PRKCE: variants seen among roughly 807,000 people sequenced by gnomAD.
PRKCE encodes the protein protein kinase C epsilon type.
Under a neutral mutation model 85.4 loss-of-function variants are expected in PRKCE, and 16 were observed. The observed-to-expected ratio is 0.19, with a 90% CI of 0.13 to 0.28. The LOEUF is 0.28. Among genes scored for constraint, PRKCE ranks in the 10% least tolerant of loss-of-function variants. The pLI is 1.00. For missense variants in PRKCE, 573 were observed against 975.2 expected (o/e 0.59, Z 5.49); for synonymous variants, 388 against 371.5 (o/e 1.04, Z -0.51).
At chr2:45,942,651 ATTC>A (rs1266544716) in intron 2 of PRKCE, among the ~76,000 whole-genome samples, 4 of 152,102 alleles carry the variant, frequency 2.6e-5, no homozygotes, top group Non-Finnish European at 1.5e-5. Context: ...TGGAATACAA[ATTC>A]CTCTCTTTCC....
Position 45,760,930 on chromosome 2 carries a change from T to C in PRKCE, c.349-82070T>C, listed in dbSNP as rs1490423318. ...CTTGTCTCTTTACCAAAACCCTTAG[T>C]ATACTATTCCCTGGTTTATCTTAAC... On this transcript the variant is annotated intron_variant, in intron 1 of 14. Transcript: ENST00000306156. Among the ~76,000 whole-genome samples, 3 of 152,094 alleles carry C rather than the reference T, an allele frequency of 2.0e-5. No individual in the cohort carries two copies. The East Asian group carries it at 5.8e-4, about 29-fold the overall frequency.
At chr2:45,738,952 G>A (rs1026535135) in intron 1 of PRKCE, among the ~76,000 whole-genome samples, 2 of 152,148 alleles carry the variant, frequency 1.3e-5, no homozygotes, top group South Asian at 2.1e-4. Context: ...GCAAATTAAG[G>A]GGCAGTGTTG....
intron 2 of PRKCE, among the ~76,000 whole-genome samples, chr2:45,889,111 G>A (rs1461155589): frequency 1.3e-5 from 2 of 152,242 alleles, no homozygotes; most frequent in African/African-American, 2.4e-5. Flanking sequence ...GTGTTACAGA[G>A]AAGGAACTGC....
intron 14 of PRKCE, among the ~76,000 whole-genome samples, chr2:46,175,871 A>G (rs1474692019): frequency 6.6e-6 from 1 of 152,018 alleles, no homozygotes; most frequent in Non-Finnish European, 1.5e-5. Context: ...TTGGACAACA[A>G]TGAAAACAGG....
chr2:45,783,813 G>A (rs1313653500), intron 1 of PRKCE, among the ~76,000 whole-genome samples: 1 of 152,186 alleles, frequency 6.6e-6, no homozygotes, highest in Non-Finnish European at 1.5e-5. Context: ...AAGCTCTAGA[G>A]CCCTACTCCG....
chr2:46,064,108 C>A (rs1667397777), intron 10 of PRKCE, among the ~76,000 whole-genome samples: 1 of 151,854 alleles, frequency 6.6e-6, no homozygotes, highest in South Asian at 2.1e-4. Context: ...ATGGTGAAAC[C>A]CTGTATCTAC....
intron 2 of PRKCE, among the ~76,000 whole-genome samples, chr2:45,953,379 C>T (rs1700753815): frequency 6.6e-6 from 1 of 152,176 alleles, no homozygotes; most frequent in South Asian, 2.1e-4. Context: ...ACTCCCTGCC[C>T]AGGGCACTTT....
chr2:45,790,054 G>A (rs1686917325), intron 1 of PRKCE, among the ~76,000 whole-genome samples: 1 of 152,180 alleles, frequency 6.6e-6, no homozygotes, highest in Non-Finnish European at 1.5e-5. Flanking sequence ...GAGCTGGCAG[G>A]AGCTCACAAG....
chr2:45,806,347 G>A (rs1255990599), intron 1 of PRKCE, among the ~76,000 whole-genome samples: 3 of 152,110 alleles, frequency 2.0e-5, no homozygotes, highest in Admixed American at 2.0e-4. Flanking sequence ...CCCAAGCAGG[G>A]ACTCAGAGAT....
At chr2:45,900,272 A>G (rs1020678725) in intron 2 of PRKCE, among the ~76,000 whole-genome samples, 7 of 152,248 alleles carry the variant, frequency 4.6e-5, no homozygotes, top group African/African-American at 1.7e-4. Context: ...TATACATCCC[A>G]AAGAACTGGA....
At chr2:45,925,439 G>A (rs1698541546) in intron 2 of PRKCE, among the ~76,000 whole-genome samples, 1 of 152,074 alleles carries the variant, frequency 6.6e-6, no homozygotes, top group Admixed American at 6.5e-5. Context: ...TGGGATTACA[G>A]GCACCACCAC....
chr2:45,693,885 C>T (rs1677937537), intron 1 of PRKCE, among the ~76,000 whole-genome samples: 1 of 151,786 alleles, frequency 6.6e-6, no homozygotes, highest in Non-Finnish European at 1.5e-5. Context: ...GATGGCAGGT[C>T]CTAGGATCCA....
At chr2:45,743,092 G>A (rs1017377661) in intron 1 of PRKCE, among the ~76,000 whole-genome samples, 2 of 152,162 alleles carry the variant, frequency 1.3e-5, no homozygotes, top group Non-Finnish European at 2.9e-5. Flanking sequence ...TAGAATGGTG[G>A]TTGCCAGGGG....
chr2:45,975,735 G>C (rs1702405861), intron 2 of PRKCE, among the ~76,000 whole-genome samples: 1 of 152,182 alleles, frequency 6.6e-6, no homozygotes, highest in Non-Finnish European at 1.5e-5. Flanking sequence ...AGGGAAGGAA[G>C]GTATTGGGAA....
chr2:46,066,279 G>A (rs935075123), intron 10 of PRKCE, among the ~76,000 whole-genome samples: 2 of 152,102 alleles, frequency 1.3e-5, no homozygotes, highest in African/African-American at 4.8e-5. Flanking sequence ...CTTGAGCACT[G>A]GCTTGGCTAA....
chr2:46,126,541 C>T (rs75948450), intron 11 of PRKCE, among the ~76,000 whole-genome samples: 3,371 of 152,246 alleles, frequency 0.022, 124 homozygotes, highest in African/African-American at 0.068. Context: ...GGAAACAGTT[C>T]ATGCAAAAGC....
intron 1 of PRKCE, among the ~76,000 whole-genome samples, chr2:45,808,490 T>G (rs1688416004): frequency 6.6e-6 from 1 of 152,204 alleles, no homozygotes; most frequent in Non-Finnish European, 1.5e-5. Flanking sequence ...GAGTGCTGAT[T>G]AAACAATTAT....
intron 1 of PRKCE, among the ~76,000 whole-genome samples, chr2:45,826,731 C>T (rs1296103862): frequency 1.3e-5 from 2 of 152,230 alleles, no homozygotes; most frequent in African/African-American, 4.8e-5. Context: ...TCTGTTCAGC[C>T]AAGGGCAGCT....
chr2:45,782,539 G>T (rs1686273033), intron 1 of PRKCE, among the ~76,000 whole-genome samples: 1 of 152,132 alleles, frequency 6.6e-6, no homozygotes, highest in Admixed American at 6.5e-5. Context: ...CCTGTGGGAA[G>T]GCAGAGTTGA....
Sources: allele counts gnomAD v4.1 joint callset (sites outside exome capture counted in the v4.1 genomes callset), GRCh38; gene constraint gnomAD v4.1.1; transcripts MANE v1.5; gene names NCBI Gene and HGNC (gene_info 2026-07-23, HGNC 2026-07-21).